The following ACSS3 variants were observed in gnomAD, a reference collection of about 807,000 sequenced individuals.
ACSS3 encodes acyl-CoA synthetase short chain family member 3, also known as acyl-CoA synthetase short-chain family member 3, mitochondrial.
Under a neutral mutation model 84.2 loss-of-function variants are expected in ACSS3, and 64 were observed. The ratio of observed to expected loss-of-function variants is 0.76; its 90% CI spans 0.62 to 0.94. The LOEUF (loss-of-function observed/expected upper bound fraction) is 0.94, where lower values mean the gene tolerates loss of function less well. Among genes scored for constraint, ACSS3 ranks in the 40% least tolerant of loss-of-function variants. The pLI is 0.00. For missense variants in ACSS3, 815 were observed against 867.6 expected (o/e 0.94, Z 0.76); for synonymous variants, 317 against 310.1 (o/e 1.02, Z -0.23).
intron 8 of ACSS3, among the ~76,000 whole-genome samples, chr12:81,181,768 A>AAAAAAAAAAAAAG (rs1555178623): frequency 1.4e-5 from 2 of 143,610 alleles, no homozygotes; most frequent in Non-Finnish European, 3.1e-5. Context: ...AAAAAAAAAA[A>AAAAAAAAAAAAAG]GCAATAGAGA....
intron 13 of ACSS3, among the ~76,000 whole-genome samples, chr12:81,241,043 T>C (rs2033784425): frequency 7.2e-6 from 1 of 138,378 alleles, no homozygotes; most frequent in African/African-American, 2.7e-5. Context: ...CATCCATGTG[T>C]TCTCATTGTT....
chr12:81,113,509 TA>T (rs1487632014), intron 2 of ACSS3, among the ~76,000 whole-genome samples: 1 of 152,178 alleles, frequency 6.6e-6, no homozygotes, highest in African/African-American at 2.4e-5. Context: ...CTCTCTTTTT[TA>T]GTGTCATTTT....
intron 12 of ACSS3, among the ~76,000 whole-genome samples, chr12:81,231,375 T>C (rs1417058689): frequency 6.6e-6 from 1 of 151,814 alleles, no homozygotes; most frequent in Admixed American, 6.6e-5. Flanking sequence ...CTTAGCAGCT[T>C]TTCCTAGAAT....
rs1465858022 is a variant in ACSS3, at chr12:81,242,270, A to C, written c.1719+8799A>C. On this transcript the variant is annotated intron_variant, in intron 13 of 15. Coordinates refer to ENST00000548058, the MANE Select transcript of ACSS3 (RefSeq NM_024560.4). Reference sequence around the variant, plus strand: ...CTAGAAAATCTAGAAGAAATGGATAAATTCCTCGACACATACACTCTCGCA... The same window carrying C: ...CTAGAAAATCTAGAAGAAATGGATACATTCCTCGACACATACACTCTCGCA... Among the ~76,000 whole-genome samples, 6 of 152,148 alleles carry C rather than the reference A, an allele frequency of 3.9e-5. No homozygotes were observed. In the East Asian group the frequency reaches 5.8e-4, roughly 15 times the overall value.
intron 9 of ACSS3, among the ~76,000 whole-genome samples, chr12:81,208,946 G>T (rs1337781648): frequency 6.6e-6 from 1 of 152,074 alleles, no homozygotes; most frequent in Non-Finnish European, 1.5e-5. Flanking sequence ...GAATATATTC[G>T]ATAAATACTT....
chr12:81,179,876 C>G (rs960551191), intron 8 of ACSS3, among the ~76,000 whole-genome samples: 2 of 151,612 alleles, frequency 1.3e-5, no homozygotes, highest in African/African-American at 4.9e-5. Context: ...AAAGAGAAGA[C>G]GTTTAATTGG....
At chr12:81,156,596 C>T (rs943740818) in intron 7 of ACSS3, among the ~76,000 whole-genome samples, 18 of 152,194 alleles carry the variant, frequency 1.2e-4, no homozygotes, top group African/African-American at 3.9e-4. Flanking sequence ...ACCAGTACCA[C>T]ATGTGAAACA....
chr12:81,243,058 G>A (rs983322039), intron 13 of ACSS3, among the ~76,000 whole-genome samples: 1 of 151,970 alleles, frequency 6.6e-6, no homozygotes, highest in African/African-American at 2.4e-5. Context: ...AGGAAAAGAG[G>A]AAGTCAAATT....
At chr12:81,135,278 A>AAT (rs1255122732) in intron 3 of ACSS3, among the ~76,000 whole-genome samples, 1 of 145,674 alleles carries the variant, frequency 6.9e-6, no homozygotes, top group Non-Finnish European at 1.5e-5. Flanking sequence ...TGATATATAT[A>AAT]ATATATTATA....
At chr12:81,170,405 T>C (rs773465904) in intron 7 of ACSS3, among the ~76,000 whole-genome samples, 1 of 152,174 alleles carries the variant, frequency 6.6e-6, no homozygotes, top group Non-Finnish European at 1.5e-5. Context: ...AGCCACATTA[T>C]AAATCTTGCT....
chr12:81,184,301 A>G (rs982761830), intron 8 of ACSS3, among the ~76,000 whole-genome samples: 1 of 151,962 alleles, frequency 6.6e-6, no homozygotes, highest in African/African-American at 2.4e-5. Context: ...CAGTTCCAGG[A>G]GGAAAGTTTA....
At position 81,233,304 on chromosome 12, in the gene ACSS3, G is replaced by A. The variant is rs772306504; in HGVS notation, c.1597-45G>A. On this transcript the variant is annotated intron_variant, in intron 12 of 15. Coordinates refer to ENST00000548058, the MANE Select transcript of ACSS3 (RefSeq NM_024560.4). ...TACCAAGTTTAAAATGATTACATTA[G>A]TTAACAGTACATGCTAATCAAATGT... 2.5e-6 allele frequency: 4 copies of A among 1,583,360 alleles called. No homozygotes were observed. The South Asian group carries it at 3.4e-5, about 13-fold the overall frequency.
chr12:81,091,664 G>A (rs1881676768), intron 1 of ACSS3, among the ~76,000 whole-genome samples: 1 of 151,888 alleles, frequency 6.6e-6, no homozygotes, highest in Non-Finnish European at 1.5e-5. Flanking sequence ...CTTTAATAAG[G>A]AGGGTTTTAA....
chr12:81,210,827 A>G (rs1215465963), intron 9 of ACSS3, among the ~76,000 whole-genome samples: 1 of 152,192 alleles, frequency 6.6e-6, no homozygotes, highest in Non-Finnish European at 1.5e-5. Flanking sequence ...AAATCATGAT[A>G]AGACTGATTT....
rs140565005 is a variant in ACSS3 at position 81,112,953 on chromosome 12, A to C, written c.456+3249A>C. Among the ~76,000 whole-genome samples, 45 of 152,272 alleles carry C rather than the reference A, an allele frequency of 3.0e-4. 1 individual carries two copies. Among genetic ancestry groups the C allele is most frequent in the African/African-American group, 1.1e-3 (45 of 41,578 alleles). On this transcript the variant is annotated intron_variant, in intron 2 of 15. Coordinates refer to ENST00000548058, the MANE Select transcript of ACSS3 (RefSeq NM_024560.4). ...TGATTCAGAAGTAGAGGTTTTCTAA[A>C]ACTATCATTTTTTCTATAGATCTGA...
intron 7 of ACSS3, among the ~76,000 whole-genome samples, chr12:81,166,778 G>A (rs1323950391): frequency 6.6e-6 from 1 of 152,194 alleles, no homozygotes; most frequent in East Asian, 1.9e-4. Flanking sequence ...CAAAGAATTG[G>A]ATGTTATGGA....
intron 1 of ACSS3, among the ~76,000 whole-genome samples, chr12:81,109,113 G>A (rs917972980): frequency 1.3e-5 from 2 of 151,748 alleles, no homozygotes; most frequent in Non-Finnish European, 2.9e-5. Flanking sequence ...AGCTCTTTCA[G>A]AGCAGAATAG....
intron 7 of ACSS3, among the ~76,000 whole-genome samples, chr12:81,172,988 T>C (rs556549234): frequency 5.5e-4 from 84 of 152,300 alleles, no homozygotes; most frequent in Non-Finnish European, 9.7e-4. Context: ...GGCAAAATGA[T>C]TTATTCTTAT....
chr12:81,165,800 G>A (rs1258472709), intron 7 of ACSS3, among the ~76,000 whole-genome samples: 1 of 152,116 alleles, frequency 6.6e-6, no homozygotes, highest in African/African-American at 2.4e-5. Context: ...ACTCTTGCAT[G>A]CTGGCTTAAA....
Sources: gnomAD v4.1 joint callset for allele counts (sites outside exome capture counted in the v4.1 genomes callset) on GRCh38, gnomAD v4.1.1 for gene constraint, MANE v1.5 for transcripts, NCBI Gene and HGNC (gene_info 2026-07-23, HGNC 2026-07-21) for gene names.